LRP1B: variants seen among roughly 807,000 people sequenced by gnomAD.
The protein encoded by LRP1B is LDL receptor related protein 1B.
Under a neutral mutation model 556.6 loss-of-function variants are expected in LRP1B, and 217 were observed. The observed-to-expected ratio is 0.39, with a 90% confidence interval of 0.35 to 0.44. The LOEUF is 0.44. Ranked by LOEUF, LRP1B falls within the 20% of genes least tolerant of loss-of-function variation. The pLI, the probability that LRP1B is intolerant of heterozygous loss-of-function variation, is 1.00. For synonymous variants in LRP1B, 2,047 were observed against 1,865.8 expected, an observed-to-expected ratio of 1.10 and a Z score of -2.50; for missense variants, 5,053 against 5,620.8, an observed-to-expected ratio of 0.90 and a Z score of 3.23.
At chr2:140,985,953 C>T (rs1696909602) in intron 17 of LRP1B, among the ~76,000 whole-genome samples, 1 of 151,880 alleles carries the variant, frequency 6.6e-6, no homozygotes, top group South Asian at 2.1e-4. Context: ...TTCCCTCCCT[C>T]TCTTTCCAGA....
chr2:141,324,309 T>C (rs1687360790), intron 3 of LRP1B, among the ~76,000 whole-genome samples: 2 of 152,152 alleles, frequency 1.3e-5, no homozygotes, highest in Admixed American at 1.3e-4. Flanking sequence ...TAATGAATTA[T>C]AAGGAAAAGA....
chr2:140,318,283 A>G (rs2105044124), intron 82 of LRP1B, among the ~76,000 whole-genome samples: 1 of 152,266 alleles, frequency 6.6e-6, no homozygotes, highest in African/African-American at 2.4e-5. Context: ...CTATATGTGT[A>G]AAGGCTAATT....
intron 1 of LRP1B, among the ~76,000 whole-genome samples, chr2:142,029,868 C>T (rs895166899): frequency 1.3e-5 from 2 of 151,170 alleles, no homozygotes; most frequent in Admixed American, 1.3e-4. Context: ...CTACCTGATG[C>T]AATTAATTTC....
intron 8 of LRP1B, among the ~76,000 whole-genome samples, chr2:141,061,053 G>A (rs563786082): frequency 5.0e-4 from 76 of 151,862 alleles, no homozygotes; most frequent in Non-Finnish European, 9.6e-4. Flanking sequence ...GAAGGGCCAT[G>A]ATAATCATCT....
chr2:141,632,504 G>A (rs1003574345), intron 2 of LRP1B, among the ~76,000 whole-genome samples: 6 of 152,106 alleles, frequency 3.9e-5, no homozygotes, highest in Non-Finnish European at 8.8e-5. Context: ...TTCGACAGAC[G>A]AGAGAAAAGT....
intron 7 of LRP1B, among the ~76,000 whole-genome samples, chr2:141,164,533 G>T (rs890655166): frequency 1.3e-5 from 2 of 152,054 alleles, no homozygotes; most frequent in African/African-American, 4.8e-5. Context: ...TGCTGCTTTT[G>T]AATGTTAGAG....
At chr2:140,631,053 T>C (rs1402998702) in intron 41 of LRP1B, among the ~76,000 whole-genome samples, 1 of 152,136 alleles carries the variant, frequency 6.6e-6, no homozygotes, top group African/African-American at 2.4e-5. Flanking sequence ...CAGCCTCTCT[T>C]TGAAAAGTAG....
Position 140,862,580 on chromosome 2 carries a change from A to T in LRP1B, c.4579+5010T>A, listed in dbSNP as rs571371680. Among the ~76,000 whole-genome samples the T allele has an allele frequency of 1.4e-4, 21 of 152,228 alleles. No homozygotes were observed. The South Asian group carries it at 4.1e-3, about 30-fold the overall frequency. ...AAATCTCTATCACCACTTTTTAATGATTTCAACTCTAAGTATATCTCATCA... is the reference window on the plus strand; with the variant it reads ...AAATCTCTATCACCACTTTTTAATGTTTTCAACTCTAAGTATATCTCATCA... On this transcript the variant is annotated intron_variant, in intron 27 of 90. Transcript: ENST00000389484.
chr2:140,446,622 T>C (rs1391393608), intron 63 of LRP1B, among the ~76,000 whole-genome samples: 1 of 152,094 alleles, frequency 6.6e-6, no homozygotes, highest in Non-Finnish European at 1.5e-5. Context: ...TTCCTACAGA[T>C]ATTCAAAGCT....
At chr2:142,012,132 G>T (rs1158491696) in intron 1 of LRP1B, among the ~76,000 whole-genome samples, 1 of 151,934 alleles carries the variant, frequency 6.6e-6, no homozygotes, top group African/African-American at 2.4e-5. Flanking sequence ...CATCTCTTAG[G>T]TAAGATTAAT....
intron 1 of LRP1B, among the ~76,000 whole-genome samples, chr2:142,077,671 T>C (rs1023830296): frequency 1.3e-5 from 2 of 152,110 alleles, no homozygotes; most frequent in African/African-American, 4.8e-5. Context: ...CAGTCAATGA[T>C]AAAGCCTTCT....
At chr2:142,063,487 A>T (rs1704993217) in intron 1 of LRP1B, among the ~76,000 whole-genome samples, 1 of 151,674 alleles carries the variant, frequency 6.6e-6, no homozygotes, top group Non-Finnish European at 1.5e-5. Flanking sequence ...AGAACAAACA[A>T]AAGTTCTATT....
chr2:141,102,631 A>G (rs1175405732), intron 7 of LRP1B, among the ~76,000 whole-genome samples: 2 of 152,098 alleles, frequency 1.3e-5, no homozygotes, highest in Non-Finnish European at 2.9e-5. Context: ...AATATTTAAA[A>G]AGGCACACCA....
At chr2:141,332,979 T>G (rs1687711602) in intron 3 of LRP1B, among the ~76,000 whole-genome samples, 1 of 152,124 alleles carries the variant, frequency 6.6e-6, no homozygotes, top group African/African-American at 2.4e-5. Context: ...TTTCAGCTCT[T>G]GGAGTATCTG....
At chr2:141,136,005 A>G (rs1392849304) in intron 7 of LRP1B, among the ~76,000 whole-genome samples, 1 of 151,994 alleles carries the variant, frequency 6.6e-6, no homozygotes, top group Admixed American at 6.6e-5. Context: ...CAATTTGTGC[A>G]GATAATGGAG....
At chr2:140,349,619 G>T (rs1681867124) in intron 77 of LRP1B, among the ~76,000 whole-genome samples, 1 of 151,958 alleles carries the variant, frequency 6.6e-6, no homozygotes. Context: ...GAAGCTAGGA[G>T]GCCAGTAAGC....
intron 2 of LRP1B, among the ~76,000 whole-genome samples, chr2:141,791,085 T>C (rs1310638603): frequency 6.6e-6 from 1 of 151,996 alleles, no homozygotes; most frequent in East Asian, 1.9e-4. Flanking sequence ...TTTTGATATT[T>C]TTATCTCTAT....
chr2:141,560,117 G>A (rs895968592), intron 2 of LRP1B, among the ~76,000 whole-genome samples: 1 of 151,500 alleles, frequency 6.6e-6, no homozygotes, highest in African/African-American at 2.4e-5. Flanking sequence ...AAAGAAAATG[G>A]TTAAGAAAAA....
At chr2:141,510,232 A>AC (rs1341873506) in intron 2 of LRP1B, among the ~76,000 whole-genome samples, 74 of 149,456 alleles carry the variant, frequency 5.0e-4, no homozygotes, top group African/African-American at 1.5e-3. Context: ...ACACACACAC[A>AC]CACCCCCCAC....
Sources: allele counts gnomAD v4.1 joint callset (sites outside exome capture counted in the v4.1 genomes callset), GRCh38; gene constraint gnomAD v4.1.1; transcripts MANE v1.5; gene names NCBI Gene and HGNC (gene_info 2026-07-23, HGNC 2026-07-21).